KCNN2: variants seen among roughly 807,000 people sequenced by gnomAD.
KCNN2 encodes small conductance calcium-activated potassium channel protein 2.
Under a neutral mutation model 55.5 loss-of-function variants are expected in KCNN2, and 24 were observed. That is an observed-to-expected ratio of 0.43 (90% CI 0.31 to 0.61). The LOEUF is 0.61. Among genes scored for constraint, KCNN2 ranks in the 20% least tolerant of loss-of-function variants. KCNN2 has a pLI of 0.08. For synonymous variants in KCNN2, 431 were observed against 336.1 expected (o/e 1.28, Z -3.09); for missense variants, 754 against 853.6 (o/e 0.88, Z 1.45).
chr5:114,065,805 G>T (rs1750432867), intron 1 of KCNN2, among the ~76,000 whole-genome samples: 1 of 136,204 alleles, frequency 7.3e-6, no homozygotes, highest in Non-Finnish European at 1.5e-5. Context: ...CAAGATACCA[G>T]TGAGTTGTTG....
intron 2 of KCNN2, among the ~76,000 whole-genome samples, chr5:114,312,434 C>CACACACACATATATATATAT (rs1561566604): frequency 8.5e-5 from 2 of 23,416 alleles, no homozygotes; most frequent in African/African-American, 2.9e-4. Flanking sequence ...CACACACACA[C>CACACACACATATATATATAT]ATATATATAT....
At chr5:114,256,330 C>T (rs1269203465) in intron 2 of KCNN2, among the ~76,000 whole-genome samples, 1 of 152,154 alleles carries the variant, frequency 6.6e-6, no homozygotes, top group Non-Finnish European at 1.5e-5. Context: ...AAGAGTACTA[C>T]AATCAACATA....
intron 3 of KCNN2, among the ~76,000 whole-genome samples, chr5:114,457,255 C>G (rs1309312572): frequency 6.6e-6 from 1 of 152,066 alleles, no homozygotes; most frequent in Non-Finnish European, 1.5e-5. Flanking sequence ...GACCCTCCAC[C>G]AGAAAAAAGA....
chr5:114,366,079 C>A (rs543645102), intron 2 of KCNN2, among the ~76,000 whole-genome samples: 1 of 152,128 alleles, frequency 6.6e-6, no homozygotes, highest in Non-Finnish European at 1.5e-5. Context: ...TATTAGAACG[C>A]TTAAAATTTA....
At chr5:114,321,377 G>A (rs772474919) in intron 2 of KCNN2, among the ~76,000 whole-genome samples, 1 of 152,092 alleles carries the variant, frequency 6.6e-6, no homozygotes, top group Admixed American at 6.6e-5. Flanking sequence ...AGCAGCATGG[G>A]GCAGGTCTAC....
intron 1 of KCNN2, among the ~76,000 whole-genome samples, chr5:114,094,271 A>C (rs1751210500): frequency 6.6e-6 from 1 of 152,030 alleles, no homozygotes; most frequent in Non-Finnish European, 1.5e-5. Flanking sequence ...TGTTTTTTTC[A>C]GGTCTTCAGC....
intron 3 of KCNN2, among the ~76,000 whole-genome samples, chr5:114,413,343 G>C (rs1349521460): frequency 6.6e-6 from 1 of 151,772 alleles, no homozygotes; most frequent in Non-Finnish European, 1.5e-5. Flanking sequence ...GGAGTGCAGT[G>C]GCACAATCTT....
intron 1 of KCNN2, among the ~76,000 whole-genome samples, chr5:114,124,803 G>A (rs1003301961): frequency 4.0e-5 from 6 of 151,776 alleles, no homozygotes; most frequent in Non-Finnish European, 8.8e-5. Flanking sequence ...TTTTTTTCCT[G>A]TCCACATTAT....
chr5:114,484,089 A>C (rs959255681), intron 5 of KCNN2, among the ~76,000 whole-genome samples: 2 of 152,126 alleles, frequency 1.3e-5, no homozygotes, highest in African/African-American at 4.8e-5. Flanking sequence ...CATGAGAAGA[A>C]GTTTTTATGT....
intron 2 of KCNN2, among the ~76,000 whole-genome samples, chr5:114,345,723 G>A (rs1757093086): frequency 1.3e-5 from 2 of 152,164 alleles, no homozygotes; most frequent in Admixed American, 1.3e-4. Flanking sequence ...CAGTTCTGCA[G>A]GCTATACAAG....
chr5:114,158,982 G>T (rs866811755), intron 1 of KCNN2, among the ~76,000 whole-genome samples: 73 of 152,192 alleles, frequency 4.8e-4, no homozygotes, highest in African/African-American at 1.7e-3. Context: ...TTTCCTAATT[G>T]AATACCCTTT....
intron 2 of KCNN2, among the ~76,000 whole-genome samples, chr5:114,252,954 C>G (rs1754901771): frequency 6.6e-6 from 1 of 152,100 alleles, no homozygotes; most frequent in Non-Finnish European, 1.5e-5. Context: ...TCACACCCAT[C>G]TCTTTTATAA....
intron 3 of KCNN2, among the ~76,000 whole-genome samples, chr5:114,409,317 T>C (rs1358779625): frequency 6.6e-6 from 1 of 151,358 alleles, no homozygotes; most frequent in Non-Finnish European, 1.5e-5. Context: ...GATTGTGGTT[T>C]GTAAGATACA....
intron 2 of KCNN2, among the ~76,000 whole-genome samples, chr5:114,289,926 T>A (rs1755846712): frequency 2.0e-5 from 3 of 152,204 alleles, no homozygotes; most frequent in African/African-American, 7.2e-5. Context: ...TGGGTACTAT[T>A]GTAAATAGAA....
intron 1 of KCNN2, among the ~76,000 whole-genome samples, chr5:114,086,380 C>A (rs995800016): frequency 2.0e-5 from 3 of 151,046 alleles, no homozygotes; most frequent in Non-Finnish European, 4.4e-5. Flanking sequence ...ATCCTGTCAC[C>A]CAGGGACTGA....
chr5:114,328,309 C>G (rs949526613), intron 2 of KCNN2, among the ~76,000 whole-genome samples: 1 of 152,018 alleles, frequency 6.6e-6, no homozygotes. Flanking sequence ...TGAGGCAGAT[C>G]TACAGCAGCA....
At chr5:114,149,566 G>A (rs1752473137) in intron 1 of KCNN2, among the ~76,000 whole-genome samples, 1 of 152,108 alleles carries the variant, frequency 6.6e-6, no homozygotes, top group Admixed American at 6.5e-5. Flanking sequence ...GTTAGTGAGG[G>A]ATTTAGGGTC....
chr5:114,071,454 A>G lies in KCNN2; in HGVS notation c.-271+14954A>G, dbSNP rs540355113. 9.8e-5 allele frequency among the ~76,000 whole-genome samples: 15 copies of G among 152,350 alleles called. 1 individual carries two copies. Among genetic ancestry groups the G allele is most frequent in the African/African-American group, 2.6e-4 (11 of 41,586 alleles). On this transcript the variant is annotated intron_variant, in intron 1 of 10. Coordinates refer to the KCNN2 transcript ENST00000512097. ...AAAACTTAGGTCACATGCTTGTACC[A>G]TAGATGCAGGAGATTCCAGGGAGTC...
chr5:114,167,163 C>T (rs1406710738), intron 1 of KCNN2, among the ~76,000 whole-genome samples: 11 of 152,104 alleles, frequency 7.2e-5, no homozygotes, highest in Admixed American at 3.3e-4. Flanking sequence ...CAGATGATTT[C>T]AGGCCCTAAC....
Sources: allele counts gnomAD v4.1 joint callset (sites outside exome capture counted in the v4.1 genomes callset), GRCh38; gene constraint gnomAD v4.1.1; transcripts MANE v1.5; gene names NCBI Gene and HGNC (gene_info 2026-07-23, HGNC 2026-07-21).